The following RIPOR2 variants were observed in gnomAD, a reference collection of about 807,000 sequenced individuals.
RIPOR2 encodes RHO family interacting cell polarization regulator 2, also known as rho family-interacting cell polarization regulator 2.
In RIPOR2, 39 loss-of-function variants were observed where a neutral mutation model predicts 114.5. The ratio of observed to expected loss-of-function variants is 0.34; its 90% confidence interval spans 0.26 to 0.44. The LOEUF (loss-of-function observed/expected upper bound fraction) is 0.44, where lower values mean the gene tolerates loss of function less well. RIPOR2 is among the 20% of genes least tolerant of loss of function. The pLI is 1.00. For missense variants in RIPOR2, 1,007 were observed against 1,255.1 expected (o/e 0.80, Z 2.99); for synonymous variants, 445 against 484.4 (o/e 0.92, Z 1.07).
intron 11 of RIPOR2, among the ~76,000 whole-genome samples, chr6:24,849,128 C>T (rs1762603732): frequency 6.6e-6 from 1 of 152,198 alleles, no homozygotes; most frequent in Admixed American, 6.5e-5. Flanking sequence ...TGGTCTCAAA[C>T]TCCTGACCTC....
chr6:24,996,515 A>G (rs1775054620), intron 1 of RIPOR2, among the ~76,000 whole-genome samples: 1 of 152,164 alleles, frequency 6.6e-6, no homozygotes, highest in East Asian at 1.9e-4. Context: ...GCAGCTCTTC[A>G]TGAATGGCCT....
chr6:24,934,438 T>A (rs887899127), intron 1 of RIPOR2, among the ~76,000 whole-genome samples: 2 of 152,208 alleles, frequency 1.3e-5, no homozygotes, highest in African/African-American at 4.8e-5. Flanking sequence ...ACCCAACTAA[T>A]GATTTTAAAT....
chr6:25,027,880 C>T (rs2113740346), intron 1 of RIPOR2, among the ~76,000 whole-genome samples: 1 of 152,296 alleles, frequency 6.6e-6, no homozygotes, highest in South Asian at 2.1e-4. Flanking sequence ...CCGAGGAGGG[C>T]AGAGGTGCTC....
chr6:24,929,599 G>T (rs961062050), intron 1 of RIPOR2, among the ~76,000 whole-genome samples: 1 of 152,070 alleles, frequency 6.6e-6, no homozygotes, highest in Admixed American at 6.6e-5. Flanking sequence ...GTACTTGAAA[G>T]AGTCACTTTA....
rs369409135 is a variant in RIPOR2 at position 24,861,391 on chromosome 6, G to A, written c.652-355C>T. Among the ~76,000 whole-genome samples the A allele has an allele frequency of 2.5e-4, 38 of 152,266 alleles. No individual in the cohort carries two copies. The South Asian group carries it at 6.6e-3, about 27-fold the overall frequency. ...GACTAGACAAACATAATCACCAAAT[G>A]TAACAACTTAACCTTGATAATATCC... is the stretch of plus-strand genomic sequence containing the variant. On this transcript the variant is annotated intron_variant, in intron 7 of 21. Coordinates refer to ENST00000643898, the MANE Select transcript of RIPOR2 (RefSeq NM_001286445.3).
chr6:25,033,430 C>G (rs189997673), intron 1 of RIPOR2, among the ~76,000 whole-genome samples: 116 of 152,254 alleles, frequency 7.6e-4, no homozygotes, highest in African/African-American at 2.6e-3. Context: ...GGTGTTTCAG[C>G]CTCATCTTGT....
intron 8 of RIPOR2, among the ~76,000 whole-genome samples, 152 bp from the exon 9 acceptor site, chr6:24,852,770 TTTTGGGGGAG>T (rs1763091707): frequency 6.6e-6 from 1 of 152,096 alleles, no homozygotes; most frequent in Admixed American, 6.6e-5. Context: ...GAACAGCTGT[TTTTGGGGGAG>T]TTCCTTCTAT....
chr6:25,004,631 T>C (rs1344723101), intron 1 of RIPOR2, among the ~76,000 whole-genome samples: 2 of 152,178 alleles, frequency 1.3e-5, no homozygotes, highest in Non-Finnish European at 2.9e-5. Flanking sequence ...GATCCCATTA[T>C]GCAAGGGGCT....
At chr6:24,993,560 T>C (rs551794885) in intron 1 of RIPOR2, among the ~76,000 whole-genome samples, 3 of 152,384 alleles carry the variant, frequency 2.0e-5, no homozygotes, top group East Asian at 1.9e-4. Flanking sequence ...GCCTTTTAAG[T>C]GGGGCATTTA....
chr6:24,834,097 A>C (rs552253045), intron 15 of RIPOR2, among the ~76,000 whole-genome samples: 4 of 152,160 alleles, frequency 2.6e-5, no homozygotes, highest in South Asian at 4.1e-4. Flanking sequence ...AAAAAAAAAA[A>C]CTGCACATTC....
intron 1 of RIPOR2, among the ~76,000 whole-genome samples, chr6:24,959,235 G>T (rs608943): frequency 0.97 from 147,614 of 152,330 alleles, 71,536 homozygotes; most frequent in East Asian, 1. Flanking sequence ...TGTTTCCAAA[G>T]GAAGTCACAT....
chr6:24,887,389 T>A (rs973202387), intron 1 of RIPOR2, among the ~76,000 whole-genome samples: 3 of 152,202 alleles, frequency 2.0e-5, no homozygotes, highest in Admixed American at 2.0e-4. Flanking sequence ...TAATTTTTTT[T>A]ATGAATAAAA....
At chr6:24,880,093 C>T (rs1432386348) in intron 1 of RIPOR2, among the ~76,000 whole-genome samples, 1 of 152,186 alleles carries the variant, frequency 6.6e-6, no homozygotes, top group Non-Finnish European at 1.5e-5. Flanking sequence ...TCTGTTTAAG[C>T]TGCAAAACAT....
rs1220865040 is a variant in RIPOR2, at chr6:24,859,351, G to A, written c.715+1622C>T. ...CTGTGTGGGTGGCGTCTGAGAGTTG[G>A]GGGAAGTAGAGGGAAGGTTTTCTGC... On this transcript the variant is annotated intron_variant, in intron 8 of 21. Coordinates refer to ENST00000643898, the MANE Select transcript of RIPOR2 (RefSeq NM_001286445.3). Among the ~76,000 whole-genome samples, 3 of 152,272 alleles carry A rather than the reference G, an allele frequency of 2.0e-5. No individual in the cohort carries two copies. The East Asian group carries it at 5.8e-4, about 29-fold the overall frequency.
At chr6:24,847,074 C>T (rs1015213019) in intron 12 of RIPOR2, among the ~76,000 whole-genome samples, 2 of 152,152 alleles carry the variant, frequency 1.3e-5, no homozygotes, top group African/African-American at 4.8e-5. Context: ...ACCTCAGCCT[C>T]CCAAGTAGCT....
chr6:24,817,976 C>CTTTTTTTTTTTT (rs758675486), intron 20 of RIPOR2, among the ~76,000 whole-genome samples: 29,897 of 81,232 alleles, frequency 0.37, 4,575 homozygotes, highest in East Asian at 0.69. Flanking sequence ...CTCTCTCTCT[C>CTTTTTTTTTTTT]TCTTTTTTTT....
At chr6:24,921,829 TTTC>T (rs1157381512) in intron 1 of RIPOR2, among the ~76,000 whole-genome samples, 11 of 141,246 alleles carry the variant, frequency 7.8e-5, no homozygotes, top group Non-Finnish European at 1.1e-4. Context: ...TCTTTCTTTC[TTTC>T]TTTTTTTTAA....
intron 1 of RIPOR2, among the ~76,000 whole-genome samples, chr6:24,935,130 A>G (rs1771674922): frequency 6.6e-6 from 1 of 152,068 alleles, no homozygotes; most frequent in Non-Finnish European, 1.5e-5. Context: ...CAACATGGCA[A>G]AATCCCATCT....
intron 1 of RIPOR2, among the ~76,000 whole-genome samples, chr6:24,902,572 C>T (rs2114022756): frequency 6.6e-6 from 1 of 152,254 alleles, no homozygotes. Context: ...GAGGACACTT[C>T]CTGAAGTAAG....
Sources: gnomAD v4.1 joint callset for allele counts (sites outside exome capture counted in the v4.1 genomes callset) on GRCh38, gnomAD v4.1.1 for gene constraint, MANE v1.5 for transcripts, NCBI Gene and HGNC (gene_info 2026-07-23, HGNC 2026-07-21) for gene names.